Variants in AKAP17A observed in about 807,000 individuals in gnomAD.
AKAP17A encodes the protein A-kinase anchor protein 17A.
In AKAP17A, 15 loss-of-function variants were observed where a neutral mutation model predicts 52.2. The observed-to-expected ratio is 0.29, with a 90% CI of 0.19 to 0.44. The LOEUF is 0.44. Among genes scored for constraint, AKAP17A ranks in the 20% least tolerant of loss-of-function variants. The pLI, the probability that AKAP17A is intolerant of heterozygous loss-of-function variation, is 1.00. For synonymous variants in AKAP17A, 514 were observed against 424.7 expected (o/e 1.21, Z -2.58); for missense variants, 1,060 against 1,007.0 (o/e 1.05, Z -0.71).
chrX:1,600,162 C>A, intron 4 of AKAP17A: 1 of 1,304,692 alleles, frequency 7.7e-7, no homozygotes, highest in Non-Finnish European at 1.0e-6. Context: ...CGGGAAGGAG[C>A]ATGACAAGAG....
At chrX:1,594,746 G>C (rs1432984494) in intron 2 of AKAP17A, among the ~76,000 whole-genome samples, 3 of 151,928 alleles carry the variant, frequency 2.0e-5, no homozygotes, top group African/African-American at 7.3e-5. Context: ...AGCCTCCCGA[G>C]TAGCTGGGAC....
At chrX:1,599,162 C>T in intron 3 of AKAP17A, 30 bp from the exon 4 acceptor site, 1 of 1,605,248 alleles carries the variant, frequency 6.2e-7, no homozygotes, top group South Asian at 1.1e-5. Flanking sequence ...GCGGCGCTCT[C>T]TGTGACCACC....
Position 1,601,333 on chromosome X carries a change from C to T in AKAP17A, c.1827C>T (p.Ala609=). Residue 609 remains alanine (A), a synonymous_variant, in exon 5 of 5, where the codon GCC becomes GCT. Transcript: ENST00000313871. ...GGGAGAGGAGCCGGGCCAGGCGGGC[C>T]AGCAGCAGGGAGGACGGGAGGCCAC... The part of the protein sequence containing the change: ...HKRERSRARR[A]SSREDGRPRK... The T allele has an allele frequency of 1.2e-6, 2 of 1,600,052 alleles. No individual in the cohort carries two copies. The highest frequency in any genetic ancestry group is 1.7e-6 in the Non-Finnish European group (2 of 1,175,690).
At chrX:1,595,587 C>G (rs1403476915) in intron 3 of AKAP17A, 55 bp downstream of exon 3, 1 of 1,608,216 alleles carries the variant, frequency 6.2e-7, no homozygotes, top group Non-Finnish European at 8.5e-7. Context: ...TGGGAGTGTG[C>G]GCAGACCCGT....
At chrX:1,596,239 A>AAC (rs1556033953) in intron 3 of AKAP17A, among the ~76,000 whole-genome samples, 17 of 151,394 alleles carry the variant, frequency 1.1e-4, no homozygotes, top group African/African-American at 3.9e-4. Context: ...AAAAAAAAAA[A>AAC]AAAACAAAAA....
chrX:1,598,651 C>A (rs753628743), intron 3 of AKAP17A, among the ~76,000 whole-genome samples: 1 of 152,152 alleles, frequency 6.6e-6, no homozygotes, highest in African/African-American at 2.4e-5. Context: ...TTCCTGGACA[C>A]CCCTCTCCAC....
intron 2 of AKAP17A, 104 bp downstream of exon 2, chrX:1,594,328 A>T: frequency 1.5e-6 from 2 of 1,345,902 alleles, no homozygotes; most frequent in Non-Finnish European, 2.0e-6. Context: ...GGCTGTGGGG[A>T]CCTCCCCTAA....
rs1302800679 is a variant in AKAP17A at position 1,595,367 on chromosome X, T to G, written c.763-17T>G. ...GTTTTGGGGGAAGGCCATCTGACAC[T>G]GTTTTTGCTTTTAAAGGTTTCTTTT... On this transcript the variant is annotated splice_polypyrimidine_tract_variant and intron_variant, in intron 2 of 4. Coordinates refer to ENST00000313871, the MANE Select transcript of AKAP17A (RefSeq NM_005088.3). The G allele has an allele frequency of 6.2e-7, 1 of 1,613,362 alleles. No homozygotes were observed.
Position 1,599,271 on chromosome X carries a change from G to T in AKAP17A, c.991G>T (p.Asp331Tyr). 1 of 1,612,476 alleles carries T rather than the reference G, an allele frequency of 6.2e-7. No homozygotes were observed. Among genetic ancestry groups the T allele is most frequent in the Non-Finnish European group, 8.5e-7 (1 of 1,179,700 alleles). ...TCGCAAGAGGGAGCAGAAGCAGAGG[G>T]ACCGTGAGCTGCGCCGGAATCAGAA... ...KLRKREQKQR[D>Y]RELRRNQKKL... is the part of the protein sequence containing the mutation. The change falls in exon 4 of 5, where the codon GAC becomes TAC. Residue 331 changes from aspartate (D) to tyrosine (Y), a missense_variant. Physicochemically the swap from Asp to Tyr is radical, Grantham distance 160. Coordinates refer to ENST00000313871, the MANE Select transcript of AKAP17A (RefSeq NM_005088.3).
intron 2 of AKAP17A, 91 bp from the exon 3 acceptor site, chrX:1,595,293 C>T (rs1932924646): frequency 6.4e-7 from 1 of 1,564,648 alleles, no homozygotes; most frequent in East Asian, 2.2e-5. Context: ...GCTCTGAGGC[C>T]ACTCGGCCCT....
intron 3 of AKAP17A, among the ~76,000 whole-genome samples, chrX:1,595,783 G>A (rs1465691387): frequency 6.6e-6 from 1 of 151,190 alleles, no homozygotes; most frequent in African/African-American, 2.4e-5. Context: ...GTGCGTGCAT[G>A]TGTGTGAGCT....
At chrX:1,591,839 CGGGGGGCCGGGGCTTGGGAGGCGGCGCCT>C (rs1569347148) in intron 1 of AKAP17A, 70 bp downstream of exon 1, 1 of 81,268 alleles carries the variant, frequency 1.2e-5, no homozygotes, top group Non-Finnish European at 2.4e-5. Flanking sequence ...GGGCCGGGCC[CGGGGGGCCGGGGCTTGGGAGGCGGCGCCT>C]AGGGGCCTCG....
chrX:1,592,525 C>G (rs184603693), intron 1 of AKAP17A, among the ~76,000 whole-genome samples: 1 of 151,944 alleles, frequency 6.6e-6, no homozygotes, highest in African/African-American at 2.4e-5. Context: ...AGACTGGAGC[C>G]CCTCCCTGGT....
rs376758176 is a variant in AKAP17A at position 1,601,410 on chromosome X, G to A, written c.1904G>A (p.Arg635His). 1.6e-4 allele frequency: 247 copies of A among 1,564,234 alleles called. No homozygotes were observed. Among genetic ancestry groups the A allele is most frequent in the Non-Finnish European group, 1.9e-4 (223 of 1,162,738 alleles). ...CACGCCTACAAGGATGACAGCCCCC[G>A]CCGGCGCAGCACGAGCCCGGACCAC... ...KKHAYKDDSP[R>H]RRSTSPDHTR... The change falls in exon 5 of 5, where the codon CGC (arginine) becomes CAC (histidine). Residue 635 changes from arginine (R) to histidine (H), a missense_variant. Physicochemically the swap from Arg to His is conservative, Grantham distance 29 (BLOSUM62 0). This residue lies in a region of AKAP17A where 793 missense variants were observed against 629.9 expected (regional missense o/e 1.26). Transcript: ENST00000313871.
At chrX:1,597,450 G>A (rs1359431273) in intron 3 of AKAP17A, among the ~76,000 whole-genome samples, 4 of 152,132 alleles carry the variant, frequency 2.6e-5, no homozygotes, top group East Asian at 1.9e-4. Context: ...CCTGGGAGGC[G>A]GTCCCTGGGA....
intron 4 of AKAP17A, chrX:1,600,034 CCT>C: frequency 1.5e-6 from 1 of 653,530 alleles, no homozygotes; most frequent in Non-Finnish European, 2.5e-6. Context: ...GACAGACAGA[CCT>C]CCCCAGGACA....
intron 1 of AKAP17A, among the ~76,000 whole-genome samples, chrX:1,592,297 G>A (rs1229392131): frequency 6.6e-6 from 1 of 151,984 alleles, no homozygotes; most frequent in Non-Finnish European, 1.5e-5. Context: ...GCCTGAGAAT[G>A]TGTGGGGCCC....
At position 1,601,079 on chromosome X, in the gene AKAP17A, G is replaced by A. The variant is rs766941407; in HGVS notation, c.1573G>A (p.Val525Ile). 6.2e-7 allele frequency: 1 copy of A among 1,613,672 alleles called. No homozygotes were observed. Among genetic ancestry groups the A allele is most frequent in the Non-Finnish European group, 8.5e-7 (1 of 1,179,710 alleles). Residue 525 changes from valine to isoleucine, a missense_variant, in exon 5 of 5, where the codon GTT becomes ATT. Around this residue, in one of 2 missense-constraint regions of AKAP17A, gnomAD observed 793 missense variants for 629.9 expected, o/e 1.26. Coordinates refer to ENST00000313871, the MANE Select transcript of AKAP17A (RefSeq NM_005088.3). ...SVAEEAPCKE[V>I]QSSCRVVPED... is the part of the protein sequence containing the mutation. The stretch of plus-strand genomic sequence containing the variant: ...GGCCGAGGAGGCCCCATGCAAGGAG[G>A]TTCAGAGCTCCTGTCGTGTGGTCCC...
chrX:1,596,553 A>G (rs865825979), intron 3 of AKAP17A, among the ~76,000 whole-genome samples: 4 of 68,350 alleles, frequency 5.9e-5, no homozygotes, highest in African/African-American at 7.7e-5. Flanking sequence ...CATCCCTCCC[A>G]CCCTCCTAGT....
Sources: gnomAD v4.1 joint callset for allele counts (sites outside exome capture counted in the v4.1 genomes callset) on GRCh38, gnomAD v4.1.1 for gene constraint, gnomAD v4.1.1 regional missense constraint, MANE v1.5 for transcripts, NCBI Gene and HGNC (gene_info 2026-07-23, HGNC 2026-07-21) for gene names.